Variants in CSMD3 observed in about 807,000 individuals in gnomAD.
The protein encoded by CSMD3 is CUB and Sushi multiple domains 3, also known as CUB and sushi domain-containing protein 3.
A neutral mutation model predicts 435.2 loss-of-function variants in CSMD3; 177 were observed. That is an observed-to-expected ratio of 0.41 (90% CI 0.36 to 0.46). The LOEUF (loss-of-function observed/expected upper bound fraction) is 0.46. Ranked by LOEUF, CSMD3 falls within the 20% of genes least tolerant of loss-of-function variation. The pLI is 0.34. For missense variants in CSMD3, 4,265 were observed against 4,504.6 expected (o/e 0.95, Z 1.52); for synonymous variants, 1,656 against 1,520.5 (o/e 1.09, Z -2.07).
chr8:112,480,098 G>A (rs1819490112), intron 31 of CSMD3, among the ~76,000 whole-genome samples: 1 of 152,218 alleles, frequency 6.6e-6, no homozygotes. Context: ...CAAGAATGTG[G>A]GACATGGAGT....
chr8:113,386,787 G>A (rs903191856), intron 1 of CSMD3, among the ~76,000 whole-genome samples: 11 of 151,708 alleles, frequency 7.3e-5, no homozygotes, highest in South Asian at 4.1e-4. Context: ...TAGTTTTACC[G>A]AAAACAATCA....
At chr8:112,990,920 T>C (rs2085432923) in intron 6 of CSMD3, among the ~76,000 whole-genome samples, 1 of 151,864 alleles carries the variant, frequency 6.6e-6, no homozygotes, top group Non-Finnish European at 1.5e-5. Flanking sequence ...ATAAATTTTC[T>C]TTCTGTGGAT....
At chr8:113,131,903 C>T (rs763499015) in intron 4 of CSMD3, among the ~76,000 whole-genome samples, 1 of 152,194 alleles carries the variant, frequency 6.6e-6, no homozygotes, top group South Asian at 2.1e-4. Context: ...CTATTTTGCT[C>T]AGGCTGGTCT....
At chr8:112,856,894 C>T (rs2080677124) in intron 11 of CSMD3, among the ~76,000 whole-genome samples, 1 of 151,576 alleles carries the variant, frequency 6.6e-6, no homozygotes, top group South Asian at 2.1e-4. Flanking sequence ...AAAAGGGTTC[C>T]AAGGAGTAAT....
intron 11 of CSMD3, among the ~76,000 whole-genome samples, chr8:112,843,781 T>G (rs1409566147): frequency 6.6e-6 from 1 of 151,936 alleles, no homozygotes. Context: ...CTTTCCCAGA[T>G]TTTCCAAAAA....
chr8:112,489,110 A>C (rs1319852971), intron 31 of CSMD3, among the ~76,000 whole-genome samples: 1 of 152,202 alleles, frequency 6.6e-6, no homozygotes, highest in Non-Finnish European at 1.5e-5. Context: ...TTTAAATACT[A>C]AATTTGACTT....
intron 2 of CSMD3, among the ~76,000 whole-genome samples, chr8:113,282,144 C>T (rs1488765265): frequency 6.6e-6 from 1 of 151,954 alleles, no homozygotes; most frequent in Non-Finnish European, 1.5e-5. Context: ...AAGTTGAAAG[C>T]ATTCCCTCTG....
At chr8:112,688,169 T>C (rs1345136008) in intron 14 of CSMD3, among the ~76,000 whole-genome samples, 3 of 152,160 alleles carry the variant, frequency 2.0e-5, no homozygotes, top group Non-Finnish European at 2.9e-5. Flanking sequence ...GAGGATGGAT[T>C]TGGCCCACAA....
chr8:112,598,093 T>G (rs1169749736), intron 22 of CSMD3, among the ~76,000 whole-genome samples: 1 of 147,496 alleles, frequency 6.8e-6, no homozygotes, highest in African/African-American at 2.5e-5. Flanking sequence ...TGTTTGCAGA[T>G]GACATGATTG....
At chr8:112,734,788 TAAG>T (rs1415225977) in intron 13 of CSMD3, among the ~76,000 whole-genome samples, 1 of 152,024 alleles carries the variant, frequency 6.6e-6, no homozygotes, top group Non-Finnish European at 1.5e-5. Context: ...AAATGCTATA[TAAG>T]AATAGGTGTC....
chr8:112,465,305 A>G (rs1054992496), intron 32 of CSMD3, among the ~76,000 whole-genome samples: 4 of 152,204 alleles, frequency 2.6e-5, no homozygotes, highest in Admixed American at 6.5e-5. Flanking sequence ...ATTATCAGAT[A>G]GTAAATATTC....
intron 5 of CSMD3, among the ~76,000 whole-genome samples, chr8:113,032,692 G>C (rs2087166855): frequency 1.3e-5 from 2 of 151,650 alleles, no homozygotes; most frequent in Admixed American, 6.6e-5. Flanking sequence ...ATTCTGGGGA[G>C]GGATTCAAGT....
At chr8:113,360,288 CTATAGGACT>C (rs553173250) in intron 1 of CSMD3, among the ~76,000 whole-genome samples, 217 of 152,152 alleles carry the variant, frequency 1.4e-3, no homozygotes, top group African/African-American at 5.0e-3. Flanking sequence ...CCCTCTAGAG[CTATAGGACT>C]TTGAGCTTGT....
At chr8:112,430,483 C>T (rs370856424) in intron 32 of CSMD3, among the ~76,000 whole-genome samples, 1 of 151,844 alleles carries the variant, frequency 6.6e-6, no homozygotes, top group African/African-American at 2.4e-5. Flanking sequence ...TAATTTGTTG[C>T]CTTTTCAAAT....
At chr8:112,317,260 A>G (rs1037722270) in intron 47 of CSMD3, among the ~76,000 whole-genome samples, 2 of 152,048 alleles carry the variant, frequency 1.3e-5, no homozygotes, top group African/African-American at 4.8e-5. Context: ...AAAGTCTGAG[A>G]GACAAAAAAC....
chr8:112,330,244 A>T (rs540779454), intron 45 of CSMD3, among the ~76,000 whole-genome samples: 109 of 152,290 alleles, frequency 7.2e-4, no homozygotes, highest in Middle Eastern at 3.4e-3. Flanking sequence ...GATGACCTGA[A>T]ACACATTACA....
intron 1 of CSMD3, among the ~76,000 whole-genome samples, chr8:113,357,561 G>C (rs1220669586): frequency 6.6e-6 from 1 of 152,140 alleles, no homozygotes; most frequent in Non-Finnish European, 1.5e-5. Flanking sequence ...TTGTTGTATT[G>C]GTAGCACTAT....
intron 8 of CSMD3, among the ~76,000 whole-genome samples, chr8:112,948,808 A>T (rs1277569425): frequency 6.6e-6 from 1 of 152,048 alleles, no homozygotes; most frequent in African/African-American, 2.4e-5. Context: ...CTGAAAACAC[A>T]GGTAGATCTT....
At chr8:112,399,334 C>T (rs906634600) in intron 35 of CSMD3, among the ~76,000 whole-genome samples, 19 of 150,776 alleles carry the variant, frequency 1.3e-4, no homozygotes, top group Non-Finnish European at 2.4e-4. Context: ...ATTCTTGGCT[C>T]ACTGCAACCT....
Sources: allele counts gnomAD v4.1 joint callset (sites outside exome capture counted in the v4.1 genomes callset), GRCh38; gene constraint gnomAD v4.1.1; transcripts MANE v1.5; gene names NCBI Gene and HGNC (gene_info 2026-07-23, HGNC 2026-07-21).